Variants in FMN2 observed in about 807,000 individuals in gnomAD.
The protein encoded by FMN2 is formin 2.
FMN2 carries 51 observed loss-of-function variants against 142.3 expected under a neutral mutation model. That is an observed-to-expected ratio of 0.36 (90% confidence interval 0.29 to 0.45). The LOEUF (loss-of-function observed/expected upper bound fraction) is 0.45. FMN2 is among the 20% of genes least tolerant of loss of function. FMN2 has a pLI of 1.00. For synonymous variants in FMN2, 882 were observed against 869.8 expected (o/e 1.01, Z -0.25); for missense variants, 1,936 against 2,122.8 (o/e 0.91, Z 1.73).
At chr1:240,310,813 GTGTTGAA>G (rs1670580086) in intron 8 of FMN2, among the ~76,000 whole-genome samples, 1 of 152,106 alleles carries the variant, frequency 6.6e-6, no homozygotes, top group Admixed American at 6.5e-5. Flanking sequence ...TTTTTTAAGT[GTGTTGAA>G]TGACTAACTT....
intron 1 of FMN2, among the ~76,000 whole-genome samples, chr1:240,103,871 A>G (rs1239764855): frequency 6.6e-6 from 1 of 151,870 alleles, no homozygotes; most frequent in Non-Finnish European, 1.5e-5. Context: ...ATATATTAAT[A>G]TAGACATTAT....
At chr1:240,414,293 T>G (rs1451426972) in intron 15 of FMN2, among the ~76,000 whole-genome samples, 1 of 152,146 alleles carries the variant, frequency 6.6e-6, no homozygotes, top group Non-Finnish European at 1.5e-5. Context: ...CATGTTCTGG[T>G]GATGAATGGG....
At chr1:240,188,169 CT>C (rs774326050) in intron 3 of FMN2, 37 bp from the exon 4 acceptor site, 15 of 1,598,736 alleles carry the variant, frequency 9.4e-6, no homozygotes, top group Non-Finnish European at 1.1e-5. Context: ...GAAAATTGTC[CT>C]TTAAGATACT....
chr1:240,271,327 C>A (rs1669006369), intron 7 of FMN2, among the ~76,000 whole-genome samples: 1 of 151,426 alleles, frequency 6.6e-6, no homozygotes, highest in Non-Finnish European at 1.5e-5. Context: ...AAAGTTCATT[C>A]ATCATCATTT....
chr1:240,269,465 A>G (rs61829190), intron 7 of FMN2, among the ~76,000 whole-genome samples: 40,927 of 151,774 alleles, frequency 0.27, 5,657 homozygotes, highest in Middle Eastern at 0.35. Context: ...TATATTTTCA[A>G]ATCTGGTTGT....
At chr1:240,367,943 A>G (rs565997423) in intron 14 of FMN2, among the ~76,000 whole-genome samples, 1 of 152,098 alleles carries the variant, frequency 6.6e-6, no homozygotes, top group African/African-American at 2.4e-5. Context: ...ATTTTACGTC[A>G]TATGGATAAT....
chr1:240,176,580 ATGT>A (rs1664921659), intron 2 of FMN2, among the ~76,000 whole-genome samples: 2 of 152,170 alleles, frequency 1.3e-5, no homozygotes, highest in Non-Finnish European at 2.9e-5. Flanking sequence ...ATGTTCTCTG[ATGT>A]TGTACTCAAT....
chr1:240,219,856 G>A (rs933087771), intron 6 of FMN2, among the ~76,000 whole-genome samples: 9 of 151,816 alleles, frequency 5.9e-5, no homozygotes, highest in African/African-American at 2.2e-4. Context: ...ACGGGGAGTC[G>A]CCATGTTGCC....
At chr1:240,366,687 G>A (rs1672681272) in intron 14 of FMN2, among the ~76,000 whole-genome samples, 1 of 151,890 alleles carries the variant, frequency 6.6e-6, no homozygotes, top group Non-Finnish European at 1.5e-5. Context: ...AAGTAGCTGG[G>A]ATTACAGGCA....
intron 1 of FMN2, among the ~76,000 whole-genome samples, chr1:240,109,522 A>G (rs1478091684): frequency 6.6e-6 from 1 of 151,870 alleles, no homozygotes; most frequent in Non-Finnish European, 1.5e-5. Context: ...CTCTATGTTG[A>G]ACTCACTGAA....
intron 16 of FMN2, among the ~76,000 whole-genome samples, chr1:240,456,958 A>G (rs1344498524): frequency 3.9e-5 from 6 of 152,190 alleles, no homozygotes; most frequent in Admixed American, 3.3e-4. Flanking sequence ...CAGGTTTTCT[A>G]TTGCCCTGAC....
intron 17 of FMN2, 143 bp downstream of exon 17, chr1:240,472,596 T>G: frequency 1.8e-6 from 1 of 550,188 alleles, no homozygotes; most frequent in Non-Finnish European, 3.1e-6. Context: ...AATCTCCTTT[T>G]TCTTATGCCT....
intron 2 of FMN2, among the ~76,000 whole-genome samples, chr1:240,152,622 G>C (rs370845318): frequency 2.6e-5 from 4 of 152,180 alleles, no homozygotes; most frequent in Non-Finnish European, 5.9e-5. Flanking sequence ...CCTGTTGCCT[G>C]TGCCTACTTC....
intron 7 of FMN2, among the ~76,000 whole-genome samples, chr1:240,282,299 A>G (rs1416703264): frequency 2.0e-5 from 3 of 152,212 alleles, no homozygotes; most frequent in Non-Finnish European, 4.4e-5. Flanking sequence ...ATCTAAATCC[A>G]AAACACAAGG....
chr1:240,457,120 C>T (rs529516843), intron 16 of FMN2, among the ~76,000 whole-genome samples: 1 of 152,252 alleles, frequency 6.6e-6, no homozygotes, highest in South Asian at 2.1e-4. Context: ...TCTCAACTTA[C>T]CACTTCCCAA....
At chr1:240,316,139 A>G (rs557492251) in intron 8 of FMN2, among the ~76,000 whole-genome samples, 2 of 152,288 alleles carry the variant, frequency 1.3e-5, no homozygotes, top group Middle Eastern at 3.4e-3. Context: ...AGAGCTTTGG[A>G]TGTAATGTGG....
chr1:240,226,607 T>C (rs1480763424), intron 6 of FMN2, among the ~76,000 whole-genome samples: 1 of 152,180 alleles, frequency 6.6e-6, no homozygotes. Flanking sequence ...CTGGTAAACA[T>C]TTTTTATCTG....
At chr1:240,226,811 C>CAT (rs1390618946) in intron 6 of FMN2, among the ~76,000 whole-genome samples, 1 of 62,554 alleles carries the variant, frequency 1.6e-5, no homozygotes, top group African/African-American at 5.1e-5. Flanking sequence ...ACTTTAGTGA[C>CAT]ACACACACAC....
At chr1:240,176,697 A>T (rs892857077) in intron 2 of FMN2, among the ~76,000 whole-genome samples, 2 of 152,200 alleles carry the variant, frequency 1.3e-5, no homozygotes, top group Non-Finnish European at 2.9e-5. Context: ...ACTATTTCTG[A>T]TATTCAGTAT....
Sources: gnomAD v4.1 joint callset for allele counts (sites outside exome capture counted in the v4.1 genomes callset) on GRCh38, gnomAD v4.1.1 for gene constraint, MANE v1.5 for transcripts, NCBI Gene and HGNC (gene_info 2026-07-23, HGNC 2026-07-21) for gene names.